The following MAMDC2 variants were observed in gnomAD, a reference collection of about 807,000 sequenced individuals.
MAMDC2 encodes MAM domain containing 2.
Under a neutral mutation model 89.8 loss-of-function variants are expected in MAMDC2, and 57 were observed. That is an observed-to-expected ratio of 0.63 (90% CI 0.51 to 0.79). The LOEUF is 0.79. MAMDC2 is among the 30% of genes least tolerant of loss of function. MAMDC2 has a pLI of 0.00. For missense variants in MAMDC2, 800 were observed against 820.6 expected (o/e 0.97, Z 0.31); for synonymous variants, 313 against 293.4 (o/e 1.07, Z -0.68).
chr9:70,205,022 C>T (rs910137826), intron 11 of MAMDC2, among the ~76,000 whole-genome samples: 12 of 152,358 alleles, frequency 7.9e-5, no homozygotes, highest in Admixed American at 6.5e-4. Context: ...TCTTCTGCCT[C>T]GCTCACGCTG....
At chr9:70,180,987 T>C (rs2032633754) in intron 11 of MAMDC2, among the ~76,000 whole-genome samples, 1 of 152,230 alleles carries the variant, frequency 6.6e-6, no homozygotes, top group African/African-American at 2.4e-5. Context: ...TGGTTTTAGG[T>C]TTTATACTTA....
chr9:70,116,994 A>C (rs1227929515), intron 5 of MAMDC2, among the ~76,000 whole-genome samples: 1 of 152,078 alleles, frequency 6.6e-6, no homozygotes, highest in East Asian at 1.9e-4. Flanking sequence ...CTTAGTCCCC[A>C]TATGTCAATA....
chr9:70,212,397 G>A (rs931194868), intron 11 of MAMDC2, among the ~76,000 whole-genome samples: 2 of 152,214 alleles, frequency 1.3e-5, no homozygotes, highest in Admixed American at 6.5e-5. Flanking sequence ...AGCAGTGAGC[G>A]AGGCTCTGTG....
At chr9:70,137,168 C>T (rs2031042674) in intron 7 of MAMDC2, among the ~76,000 whole-genome samples, 1 of 151,682 alleles carries the variant, frequency 6.6e-6, no homozygotes, top group Non-Finnish European at 1.5e-5. Flanking sequence ...ATTTAATTTT[C>T]TTGGAGCTCT....
intron 11 of MAMDC2, among the ~76,000 whole-genome samples, chr9:70,181,919 T>A (rs1428305951): frequency 6.6e-6 from 1 of 152,218 alleles, no homozygotes; most frequent in Non-Finnish European, 1.5e-5. Context: ...AGAGAGGGTA[T>A]CCTTGTCTTT....
At chr9:70,052,710 A>T (rs1284582367) in intron 2 of MAMDC2, among the ~76,000 whole-genome samples, 1 of 152,214 alleles carries the variant, frequency 6.6e-6, no homozygotes, top group Admixed American at 6.5e-5. Flanking sequence ...CTGTAAAGCC[A>T]TTGTTGAGAT....
intron 2 of MAMDC2, among the ~76,000 whole-genome samples, chr9:70,066,018 G>A (rs1166782459): frequency 6.6e-6 from 1 of 152,106 alleles, no homozygotes; most frequent in African/African-American, 2.4e-5. Flanking sequence ...ACAAAGTTCC[G>A]ACTCTCCTGA....
chr9:70,202,428 A>G (rs1190231491), intron 11 of MAMDC2, among the ~76,000 whole-genome samples: 1 of 151,718 alleles, frequency 6.6e-6, no homozygotes, highest in Non-Finnish European at 1.5e-5. Context: ...ATAGTTTGTT[A>G]TAATGTCTGT....
chr9:70,051,924 T>TAGATAGATAGAC (rs955594860), intron 2 of MAMDC2, among the ~76,000 whole-genome samples: 21 of 151,848 alleles, frequency 1.4e-4, no homozygotes, highest in South Asian at 4.2e-4. Context: ...GATAGATAGA[T>TAGATAGATAGAC]AGACAGACAG....
intron 2 of MAMDC2, among the ~76,000 whole-genome samples, chr9:70,095,525 T>C (rs1186593868): frequency 1.3e-5 from 2 of 152,144 alleles, no homozygotes; most frequent in Non-Finnish European, 2.9e-5. Flanking sequence ...TAAGATTTCT[T>C]GATTGATCAC....
intron 11 of MAMDC2, among the ~76,000 whole-genome samples, chr9:70,194,882 G>A (rs972007882): frequency 7.2e-5 from 11 of 152,048 alleles, no homozygotes; most frequent in South Asian, 2.1e-4. Flanking sequence ...AAATTCTGTC[G>A]GAACCTTAGG....
intron 9 of MAMDC2, among the ~76,000 whole-genome samples, chr9:70,167,990 T>C (rs1247788545): frequency 6.6e-6 from 1 of 152,202 alleles, no homozygotes; most frequent in Non-Finnish European, 1.5e-5. Context: ...GTGTTTGTAC[T>C]GGAAATGTTT....
intron 10 of MAMDC2, 81 bp from the exon 11 acceptor site, chr9:70,170,398 C>T: frequency 6.8e-7 from 1 of 1,470,108 alleles, no homozygotes; most frequent in Non-Finnish European, 9.1e-7. Context: ...AGACAACATT[C>T]ATACATGCAG....
intron 11 of MAMDC2, among the ~76,000 whole-genome samples, chr9:70,215,016 CAT>C (rs1465475039): frequency 2.0e-5 from 3 of 152,084 alleles, no homozygotes; most frequent in African/African-American, 7.2e-5. Flanking sequence ...TGAGATATAA[CAT>C]ATTTGGTATT....
intron 2 of MAMDC2, among the ~76,000 whole-genome samples, chr9:70,055,146 C>A (rs1292498915): frequency 6.6e-6 from 1 of 152,124 alleles, no homozygotes; most frequent in East Asian, 1.9e-4. Context: ...TATTCTATTT[C>A]TGTTATAGAA....
intron 11 of MAMDC2, among the ~76,000 whole-genome samples, chr9:70,182,585 AG>A (rs1402729752): frequency 6.6e-6 from 1 of 151,990 alleles, no homozygotes; most frequent in Non-Finnish European, 1.5e-5. Context: ...TAGTCTTGGG[AG>A]GGTGTATGTG....
At chr9:70,112,903 C>T in intron 4 of MAMDC2, 92 bp from the exon 5 acceptor site, 1 of 1,512,904 alleles carries the variant, frequency 6.6e-7, no homozygotes, top group Non-Finnish European at 9.1e-7. Context: ...AAGAGAGAAA[C>T]TTCTGAATAT....
At chr9:70,215,018 T>C (rs1166958995) in intron 11 of MAMDC2, among the ~76,000 whole-genome samples, 1 of 152,150 alleles carries the variant, frequency 6.6e-6, no homozygotes, top group East Asian at 1.9e-4. Flanking sequence ...AGATATAACA[T>C]ATTTGGTATT....
At chr9:70,180,103 A>G (rs1297198202) in intron 11 of MAMDC2, among the ~76,000 whole-genome samples, 1 of 151,526 alleles carries the variant, frequency 6.6e-6, no homozygotes, top group East Asian at 1.9e-4. Flanking sequence ...TATGAGTGAG[A>G]ACATGCAGTG....
Sources: allele counts gnomAD v4.1 joint callset (sites outside exome capture counted in the v4.1 genomes callset), GRCh38; gene constraint gnomAD v4.1.1; transcripts MANE v1.5; gene names NCBI Gene and HGNC (gene_info 2026-07-23, HGNC 2026-07-21).